Variants in PDGFRL observed in about 807,000 individuals in gnomAD.
The protein encoded by PDGFRL is platelet-derived growth factor receptor-like protein.
PDGFRL carries 46 observed loss-of-function variants against 37.2 expected under a neutral mutation model. The observed-to-expected ratio is 1.24, with a 90% CI of 0.98 to 1.58. PDGFRL has a LOEUF of 1.58. Among genes scored for constraint, PDGFRL ranks in the 40% most tolerant of loss-of-function variants. PDGFRL has a pLI of 0.00. For missense variants in PDGFRL, 692 were observed against 467.6 expected, an observed-to-expected ratio of 1.48 and a Z score of -4.43; for synonymous variants, 251 against 184.3, an observed-to-expected ratio of 1.36 and a Z score of -2.93.
At chr8:17,586,728 A>T (rs572869079) in intron 1 of PDGFRL, among the ~76,000 whole-genome samples, 1 of 152,294 alleles carries the variant, frequency 6.6e-6, no homozygotes, top group East Asian at 1.9e-4. Context: ...TAACTCATTT[A>T]ACTCCCACAG....
intron 2 of PDGFRL, among the ~76,000 whole-genome samples, chr8:17,599,887 G>A (rs1032816915): frequency 2.0e-5 from 3 of 152,224 alleles, no homozygotes; most frequent in Non-Finnish European, 2.9e-5. Context: ...CCGTGCCCTG[G>A]ATCTCATCTC....
intron 2 of PDGFRL, among the ~76,000 whole-genome samples, chr8:17,608,544 G>T (rs1191446041): frequency 6.6e-6 from 1 of 152,194 alleles, no homozygotes; most frequent in Non-Finnish European, 1.5e-5. Context: ...AGAGCCGGAG[G>T]GGTGACCAGA....
chr8:17,642,609 A>G lies in PDGFRL; in HGVS notation c.940-4A>G. On this transcript the variant is annotated splice_polypyrimidine_tract_variant and splice_region_variant and intron_variant, in intron 5 of 5. Transcript: ENST00000251630. ...CTTCAGTCTTTGTGGGTGTCGTTAA[A>G]CAGGATGAAAGGCCTGTGACGATCC... 1 of 1,595,998 alleles carries G rather than the reference A, an allele frequency of 6.3e-7. No individual in the cohort carries two copies. Among genetic ancestry groups the G allele is most frequent in the Non-Finnish European group, 8.6e-7 (1 of 1,163,656 alleles).
intron 2 of PDGFRL, among the ~76,000 whole-genome samples, chr8:17,617,740 G>A (rs17589720): frequency 0.031 from 4,654 of 152,328 alleles, 116 homozygotes; most frequent in Middle Eastern, 0.17. Context: ...GATACAGCAT[G>A]CAGATTGCAC....
At chr8:17,637,717 G>A (rs577606477) in intron 5 of PDGFRL, among the ~76,000 whole-genome samples, 2 of 152,170 alleles carry the variant, frequency 1.3e-5, no homozygotes, top group Non-Finnish European at 2.9e-5. Flanking sequence ...TTTGTTGGCA[G>A]TTTTTTAAAT....
intron 4 of PDGFRL, among the ~76,000 whole-genome samples, chr8:17,629,308 G>A (rs1804812233): frequency 6.6e-6 from 1 of 151,898 alleles, no homozygotes; most frequent in Non-Finnish European, 1.5e-5. Flanking sequence ...TTATGACCCT[G>A]ACCGAAAACC....
intron 2 of PDGFRL, among the ~76,000 whole-genome samples, chr8:17,609,408 C>G (rs965167102): frequency 5.9e-4 from 90 of 151,488 alleles, no homozygotes; most frequent in African/African-American, 2.0e-3. Flanking sequence ...TTGGGAGGCG[C>G]AGGTTGCAGT....
intron 3 of PDGFRL, among the ~76,000 whole-genome samples, chr8:17,621,936 T>C (rs928476293): frequency 4.6e-5 from 7 of 152,152 alleles, no homozygotes; most frequent in Non-Finnish European, 1.0e-4. Context: ...GTCTCCCAAA[T>C]TGCTGTAGTT....
At chr8:17,594,774 C>T (rs992278628) in intron 2 of PDGFRL, among the ~76,000 whole-genome samples, 1 of 152,062 alleles carries the variant, frequency 6.6e-6, no homozygotes, top group Non-Finnish European at 1.5e-5. Flanking sequence ...ATCTCCTGAC[C>T]TCATGATCCA....
At chr8:17,627,850 G>C (rs1348315193) in intron 3 of PDGFRL, among the ~76,000 whole-genome samples, 4 of 151,892 alleles carry the variant, frequency 2.6e-5, no homozygotes, top group Non-Finnish European at 5.9e-5. Context: ...TAAGAAGTAA[G>C]GCTGGGCATG....
At chr8:17,589,011 A>G (rs768853356) in intron 1 of PDGFRL, among the ~76,000 whole-genome samples, 5 of 152,196 alleles carry the variant, frequency 3.3e-5, no homozygotes, top group Non-Finnish European at 5.9e-5. Context: ...TGATAATTAC[A>G]TGACTTTTAC....
rs955350153 is a variant in PDGFRL, at chr8:17,584,798, T to C, written c.56-4670T>C. On this transcript the variant is annotated intron_variant, in intron 1 of 5. Coordinates refer to ENST00000251630, the MANE Select transcript of PDGFRL (RefSeq NM_001372073.1). ...CCTGATCCAGACCGCAAGAAAAAGT[T>C]CTTGGATCTCGTGTAAGAAAGAATT... is the stretch of plus-strand genomic sequence containing the variant. Among the ~76,000 whole-genome samples, 5 of 152,112 alleles carry C rather than the reference T, an allele frequency of 3.3e-5. No individual in the cohort carries two copies. The South Asian group carries it at 1.0e-3, about 32-fold the overall frequency.
chr8:17,638,612 T>C (rs1047944918), intron 5 of PDGFRL, among the ~76,000 whole-genome samples: 1 of 151,396 alleles, frequency 6.6e-6, no homozygotes, highest in Non-Finnish European at 1.5e-5. Context: ...ATGTTCTGTC[T>C]TGATTACCTA....
intron 1 of PDGFRL, among the ~76,000 whole-genome samples, chr8:17,585,531 G>T (rs1357420110): frequency 2.0e-5 from 3 of 152,120 alleles, no homozygotes; most frequent in African/African-American, 7.2e-5. Flanking sequence ...TTCCTGTGGG[G>T]TGTTTCATGA....
rs1804922124 is a variant in PDGFRL at position 17,634,208 on chromosome 8, C to A, written c.934C>A (p.Gln312Lys). 6.2e-7 allele frequency: 1 copy of A among 1,611,236 alleles called. No homozygotes were observed. Among genetic ancestry groups the A allele is most frequent in the Non-Finnish European group, 8.5e-7 (1 of 1,178,064 alleles). ...EVEFTWIFPG[Q>K]KDERPVTIQD... ...GGAGTTCACCTGGATCTTCCCAGGG[C>A]AGAAGGTAAGTGTTGTACCTGCATC... is the stretch of plus-strand genomic sequence containing the variant. The change falls in exon 5 of 6, where the codon CAG (glutamine) becomes AAG (lysine). Residue 312 changes from glutamine (Q) to lysine (K), a missense_variant. Transcript: ENST00000251630.
chr8:17,608,094 T>A (rs10109530), intron 2 of PDGFRL, among the ~76,000 whole-genome samples: 4 of 152,082 alleles, frequency 2.6e-5, no homozygotes, highest in Non-Finnish European at 5.9e-5. Context: ...TCCTGGGGCC[T>A]CAGGGGCCTG....
intron 1 of PDGFRL, among the ~76,000 whole-genome samples, chr8:17,580,199 T>C (rs1033988000): frequency 2.6e-5 from 4 of 152,166 alleles, no homozygotes; most frequent in African/African-American, 2.4e-5. Context: ...CTTGGAGGAC[T>C]ACAGACATTC....
intron 2 of PDGFRL, among the ~76,000 whole-genome samples, chr8:17,605,865 T>C (rs981858890): frequency 4.6e-5 from 7 of 152,176 alleles, no homozygotes; most frequent in African/African-American, 1.7e-4. Context: ...CTTTGATGGC[T>C]GGCTCCTCGG....
At chr8:17,621,455 G>T (rs1302840560) in intron 3 of PDGFRL, among the ~76,000 whole-genome samples, 1 of 149,586 alleles carries the variant, frequency 6.7e-6, no homozygotes. Context: ...GATTAAATAA[G>T]TCCTTAAGGT....
Sources: gnomAD v4.1 joint callset for allele counts (sites outside exome capture counted in the v4.1 genomes callset) on GRCh38, gnomAD v4.1.1 for gene constraint, MANE v1.5 for transcripts, NCBI Gene and HGNC (gene_info 2026-07-23, HGNC 2026-07-21) for gene names.